NAXD: variants seen among roughly 807,000 people sequenced by gnomAD.
The protein encoded by NAXD is NAD(P)HX dehydratase, also known as ATP-dependent (S)-NAD(P)H-hydrate dehydratase.
Under a neutral mutation model 35.8 loss-of-function variants are expected in NAXD, and 22 were observed. That is an observed-to-expected ratio of 0.62 (90% CI 0.44 to 0.88). The LOEUF (loss-of-function observed/expected upper bound fraction) is 0.88, where lower values mean the gene tolerates loss of function less well. Among genes scored for constraint, NAXD ranks in the 40% least tolerant of loss-of-function variants. The pLI is 0.00. For missense variants in NAXD, 428 were observed against 437.7 expected, an observed-to-expected ratio of 0.98 and a Z score of 0.20; for synonymous variants, 189 against 177.6, an observed-to-expected ratio of 1.06 and a Z score of -0.51.
At chr13:110,626,263 T>C (rs1886479520) in intron 4 of NAXD, among the ~76,000 whole-genome samples, 1 of 151,882 alleles carries the variant, frequency 6.6e-6, no homozygotes, top group Non-Finnish European at 1.5e-5. Context: ...GGCCGGATTC[T>C]GGGTATGTTT....
Position 110,624,234 on chromosome 13 carries a change from G to A in NAXD, c.198G>A (p.Glu66=). Residue 66 remains glutamate (E), a splice_region_variant and synonymous_variant, in exon 3 of 10, where the codon GAG becomes GAA. Coordinates refer to ENST00000680254, the MANE Select transcript of NAXD (RefSeq NM_001242882.2). The part of the protein sequence containing the change: ...GRIGVVGGCQ[E]YTGAPYFAAI... The stretch of plus-strand genomic sequence containing the variant: ...TTGACTCTAAATACCTTCTTTTTAG[G>A]TACACTGGAGCCCCATATTTTGCAG... 6.2e-7 allele frequency: 1 copy of A among 1,602,762 alleles called. No homozygotes were observed. The highest frequency in any genetic ancestry group is 1.7e-5 in the Admixed American group (1 of 59,656).
In NAXD at chr13:110,638,851, C is replaced by G; in HGVS notation, c.*323C>G. ...TCTTTAGCAGCTCAACAGAGTTTCT[C>G]GGCCTGCTCCCAGATCGGCGAAGTT... is the stretch of plus-strand genomic sequence containing the variant. On this transcript the variant is annotated 3_prime_UTR_variant, in exon 10 of 10. Coordinates refer to ENST00000680254, the MANE Select transcript of NAXD (RefSeq NM_001242882.2). The surrounding 1 kb of genome is among the most constrained non-coding windows in gnomAD (Gnocchi z 5.4). 1 of 454,260 alleles carries G rather than the reference C, an allele frequency of 2.2e-6. No homozygotes were observed. The highest frequency in any genetic ancestry group is 4.2e-6 in the Non-Finnish European group (1 of 240,892). The allele number at this position is 454,260 out of a possible 1,614,324, so 28.1% of individuals were successfully genotyped here. A position where few individuals can be genotyped will look rare whatever the true frequency, so the allele number is the denominator to read the frequency against.
chr13:110,615,721 TTG>T (rs1886022493), intron 1 of NAXD, 74 bp downstream of exon 1: 1 of 1,512,758 alleles, frequency 6.6e-7, no homozygotes, highest in African/African-American at 1.4e-5. Flanking sequence ...GGCGCGGTCG[TTG>T]TCGCATTGCT....
rs1420456011 is a variant in NAXD at position 110,639,313 on chromosome 13, T to G, written c.*785T>G. 6.5e-6 allele frequency: 1 copy of G among 154,030 alleles called. No individual in the cohort carries two copies. Among genetic ancestry groups the G allele is most frequent in the South Asian group, 2.0e-4 (1 of 4,970 alleles). 9.5% of individuals were successfully genotyped at this position (154,030 alleles called of 1,614,324 possible). ...CAGACCGGACCGGGGACGGGCACGG[T>G]GAAGGGCTGCAGCCTGGGGTCTGAC... On this transcript the variant is annotated 3_prime_UTR_variant, in exon 10 of 10. Coordinates refer to ENST00000680254, the MANE Select transcript of NAXD (RefSeq NM_001242882.2).
chr13:110,637,898 T>G, intron 9 of NAXD: 2 of 490,130 alleles, frequency 4.1e-6, no homozygotes, highest in Non-Finnish European at 8.0e-6. Context: ...TGTGTCCACA[T>G]GAATTTGAGA....
rs1355203079 is a variant in NAXD, at chr13:110,638,419, T to C, written c.881T>C (p.Leu294Pro). 1.4e-5 allele frequency: 22 copies of C among 1,613,448 alleles called. No homozygotes were observed. The highest frequency in any genetic ancestry group is 1.6e-5 in the Non-Finnish European group (19 of 1,180,002). Reference sequence around the variant, plus strand: ...GTGGCCGCGTTTGGCGCCTGCTCTCTCACCAGGCAGTGCAACCACCAAGCC... The same window carrying C: ...GTGGCCGCGTTTGGCGCCTGCTCTCCCACCAGGCAGTGCAACCACCAAGCC... ...LLVAAFGACS[L>P]TRQCNHQAFQ... The change falls in exon 10 of 10, where the codon CTC (leucine) becomes CCC (proline). Residue 294 changes from leucine to proline, a missense_variant. Coordinates refer to ENST00000680254, the MANE Select transcript of NAXD (RefSeq NM_001242882.2). The surrounding 1 kb of genome is among the most constrained non-coding windows in gnomAD (Gnocchi z 5.4).
intron 5 of NAXD, 56 bp from the exon 6 acceptor site, chr13:110,634,489 C>T (rs1200724050): frequency 3.2e-6 from 5 of 1,563,002 alleles, no homozygotes; most frequent in South Asian, 1.1e-5. Context: ...TGAGAAGACA[C>T]ATACCCACAC....
chr13:110,632,751 C>T (rs111281134), intron 5 of NAXD, among the ~76,000 whole-genome samples: 31 of 148,150 alleles, frequency 2.1e-4, no homozygotes, highest in African/African-American at 7.4e-4. Flanking sequence ...CAATCCCTGA[C>T]CTAGACATAA....
At chr13:110,636,851 C>T (rs967904130) in intron 8 of NAXD, among the ~76,000 whole-genome samples, 1 of 152,222 alleles carries the variant, frequency 6.6e-6, no homozygotes, top group Non-Finnish European at 1.5e-5. Flanking sequence ...GAGGCGGTTC[C>T]GAGCTGCAGG....
rs767791544 is a variant in NAXD at position 110,622,305 on chromosome 13, C to T, written c.136C>T (p.Leu46=). The T allele has an allele frequency of 1.2e-6, 2 of 1,614,082 alleles. No individual in the cohort carries two copies. Among genetic ancestry groups the T allele is most frequent in the African/African-American group, 1.3e-5 (1 of 74,934 alleles). The stretch of plus-strand genomic sequence containing the variant: ...GCTGGTGAGAAATATCATACCTCCT[C>T]TGTCTTCCACAAAGCACAAAGGGCA... ...LQLVRNIIPP[L]SSTKHKGQDG... Residue 46 remains leucine (L), a synonymous_variant, in exon 2 of 10, where the codon CTG becomes TTG. Coordinates refer to ENST00000680254, the MANE Select transcript of NAXD (RefSeq NM_001242882.2).
chr13:110,636,123 T>C (rs1886915143), intron 8 of NAXD, among the ~76,000 whole-genome samples: 1 of 152,146 alleles, frequency 6.6e-6, no homozygotes. Context: ...AAGAGCCAAG[T>C]GAGAGCAGGG....
At chr13:110,635,140 G>A (rs1326821874) in intron 7 of NAXD, among the ~76,000 whole-genome samples, 1 of 152,186 alleles carries the variant, frequency 6.6e-6, no homozygotes, top group Non-Finnish European at 1.5e-5. Flanking sequence ...CACATGGTAA[G>A]TGTCCCATCA....
chr13:110,621,331 G>A (rs1342167254), intron 1 of NAXD, among the ~76,000 whole-genome samples: 1 of 152,186 alleles, frequency 6.6e-6, no homozygotes, highest in Non-Finnish European at 1.5e-5. Flanking sequence ...TTTTTTACTT[G>A]ATAAAACTTT....
chr13:110,632,448 T>G (rs1335631250), intron 5 of NAXD, among the ~76,000 whole-genome samples: 4 of 152,192 alleles, frequency 2.6e-5, no homozygotes, highest in African/African-American at 4.8e-5. Flanking sequence ...CCTGCTTTTA[T>G]TCTCTTATCC....
chr13:110,627,448 C>T lies in NAXD; in HGVS notation c.342C>T (p.Pro114=). The T allele has an allele frequency of 6.2e-7, 1 of 1,612,924 alleles. No individual in the cohort carries two copies. The highest frequency in any genetic ancestry group is 8.5e-7 in the Non-Finnish European group (1 of 1,178,914). ...ELIVHPVLDS[P]NAVHEVEKWL... ...TCCTTTCCTTCTTTAGTGACAGCCCCAATGCTGTTCATGAGGTGGAGAAGT... is the reference window on the plus strand; with the variant it reads ...TCCTTTCCTTCTTTAGTGACAGCCCTAATGCTGTTCATGAGGTGGAGAAGT... Residue 114 remains proline, a synonymous_variant, in exon 5 of 10, where the codon CCC becomes CCT. Transcript: ENST00000680254.
At chr13:110,617,602 G>T (rs1005726449) in intron 1 of NAXD, among the ~76,000 whole-genome samples, 1 of 152,224 alleles carries the variant, frequency 6.6e-6, no homozygotes, top group African/African-American at 2.4e-5. Context: ...CTGGTGAGCA[G>T]CCTGGATTTT....
chr13:110,622,129 T>G, intron 1 of NAXD, 87 bp from the exon 2 acceptor site: 1 of 1,067,708 alleles, frequency 9.4e-7, no homozygotes, highest in Non-Finnish European at 1.3e-6. Flanking sequence ...CGTAATAACT[T>G]TGGAGAGGGT....
In NAXD at chr13:110,638,735, G is replaced by A. The variant is rs75577926; in HGVS notation, c.*207G>A. On this transcript the variant is annotated 3_prime_UTR_variant, in exon 10 of 10. Transcript: ENST00000680254. This position sits in a 1 kb window ranked among gnomAD's most constrained non-coding sequence, Gnocchi z 5.4. ...AATGCATGGTTGGAGATGTTATGGC[G>A]ACACTAAACAAAGTATTCCTGAACT... 17,793 of 710,658 alleles carry A rather than the reference G, an allele frequency of 0.025. 945 individuals are homozygous for A. The highest frequency in any genetic ancestry group is 0.14 in the African/African-American group (7,909 of 57,448). 44.0% of individuals were successfully genotyped at this position (710,658 alleles called of 1,614,324 possible). A position where few individuals can be genotyped will look rare whatever the true frequency, so the allele number is the denominator to read the frequency against.
Position 110,638,325 on chromosome 13 carries a change from C to T in NAXD, c.840-53C>T. On this transcript the variant is annotated intron_variant, in intron 9 of 9. Transcript: ENST00000680254. This position sits in a 1 kb window ranked among gnomAD's most constrained non-coding sequence, Gnocchi z 5.4. ...ACCAGAGCCCAGGGTAGCTGCGGCC[C>T]CCGGACCACGACGCCCACTTCCCCA... The T allele has an allele frequency of 1.2e-6, 2 of 1,613,216 alleles. No individual in the cohort carries two copies.
Sources: gnomAD v4.1 joint callset for allele counts (sites outside exome capture counted in the v4.1 genomes callset) on GRCh38, gnomAD v4.1.1 for gene constraint, Gnocchi (gnomAD v3.1) non-coding constraint, MANE v1.5 for transcripts, NCBI Gene and HGNC (gene_info 2026-07-23, HGNC 2026-07-21) for gene names.